The following CAMK2A variants were observed in gnomAD, a reference collection of about 807,000 sequenced individuals.
CAMK2A encodes the protein calcium/calmodulin dependent protein kinase II alpha, also known as calcium/calmodulin-dependent protein kinase type II subunit alpha.
Under a neutral mutation model 79.2 loss-of-function variants are expected in CAMK2A, and 7 were observed. The ratio of observed to expected loss-of-function variants is 0.09; its 90% CI spans 0.05 to 0.17. The LOEUF is 0.17. Among genes scored for constraint, CAMK2A ranks in the 10% least tolerant of loss-of-function variants. The pLI is 1.00. For missense variants in CAMK2A, 214 were observed against 646.4 expected (o/e 0.33, Z 7.25); for synonymous variants, 242 against 251.7 (o/e 0.96, Z 0.36).
chr5:150,279,336 G>A (rs753338767), intron 1 of CAMK2A, among the ~76,000 whole-genome samples: 45 of 152,186 alleles, frequency 3.0e-4, no homozygotes, highest in Non-Finnish European at 5.4e-4. Context: ...GAATCAGACC[G>A]AGCAGAGTTC....
intron 15 of CAMK2A, among the ~76,000 whole-genome samples, chr5:150,234,584 T>C (rs1405195579): frequency 3.3e-5 from 5 of 152,226 alleles, no homozygotes; most frequent in Non-Finnish European, 7.3e-5. Flanking sequence ...AGCACTTATG[T>C]AAAGGATGCT....
In CAMK2A at chr5:150,257,672, GC is replaced by G. The variant is rs914519052; in HGVS notation, c.218-56del. On this transcript the variant is annotated intron_variant, in intron 3 of 18. Coordinates refer to ENST00000671881, the MANE Select transcript of CAMK2A (RefSeq NM_015981.4). ...GTGGGACACACTGCTGCACAGGCCC[GC>G]CCTCCCTCTCTCCCCTCCCGTGTAT... 1.9e-4 allele frequency: 257 copies of G among 1,383,098 alleles called. 1 individual carries two copies. The highest frequency in any genetic ancestry group is 2.5e-4 in the Non-Finnish European group (245 of 993,744). 85.7% of individuals were successfully genotyped at this position (1,383,098 alleles called of 1,614,324 possible). A position where few individuals can be genotyped will look rare whatever the true frequency, so the allele number is the denominator to read the frequency against.
intron 16 of CAMK2A, among the ~76,000 whole-genome samples, 185 bp from the exon 17 acceptor site, chr5:150,228,471 T>C (rs1159744436): frequency 1.3e-5 from 2 of 152,320 alleles, no homozygotes; most frequent in East Asian, 3.9e-4. Context: ...TGGTGCCATC[T>C]AGATCCGGGA....
At chr5:150,274,088 T>A (rs1263365964) in intron 1 of CAMK2A, among the ~76,000 whole-genome samples, 3 of 152,210 alleles carry the variant, frequency 2.0e-5, no homozygotes, top group African/African-American at 7.2e-5. Flanking sequence ...CAACACAGTG[T>A]ATTATCAAAC....
intron 1 of CAMK2A, among the ~76,000 whole-genome samples, chr5:150,287,976 T>C (rs1224849746): frequency 2.7e-5 from 4 of 148,480 alleles, no homozygotes; most frequent in Admixed American, 1.3e-4. Flanking sequence ...TGTGTGTGTG[T>C]GCAAGCAGCC....
rs767993196 is a variant in CAMK2A at position 150,256,972 on chromosome 5, G to A, written c.273-141C>T. On this transcript the variant is annotated intron_variant, in intron 4 of 18. Coordinates refer to ENST00000671881, the MANE Select transcript of CAMK2A (RefSeq NM_015981.4). This position sits in a 1 kb window ranked among gnomAD's most constrained non-coding sequence, Gnocchi z 4.6. ...AAGGAGGGGCCCCAGGGTCACGGGG[G>A]TGTCCCCTGCTGCAATGCCCTTCCT... 1.5e-4 allele frequency: 98 copies of A among 636,272 alleles called. No homozygotes were observed. The highest frequency in any genetic ancestry group is 2.5e-4 in the Non-Finnish European group (92 of 365,044). The allele number at this position is 636,272 out of a possible 1,614,324, so 39.4% of individuals were successfully genotyped here. A position where few individuals can be genotyped will look rare whatever the true frequency, so the allele number is the denominator to read the frequency against.
At chr5:150,239,458 C>T (rs1378714396) in intron 14 of CAMK2A, among the ~76,000 whole-genome samples, 1 of 152,230 alleles carries the variant, frequency 6.6e-6, no homozygotes, top group Non-Finnish European at 1.5e-5. Flanking sequence ...TCCACCTTCA[C>T]ACCCGAGGAG....
At chr5:150,248,091 C>G (rs959293517) in intron 11 of CAMK2A, among the ~76,000 whole-genome samples, 1 of 152,078 alleles carries the variant, frequency 6.6e-6, no homozygotes, top group Non-Finnish European at 1.5e-5. Flanking sequence ...CCCCTTGGCC[C>G]GCCCAAGCTG....
At chr5:150,224,020 A>C (rs1754478403) in intron 17 of CAMK2A, among the ~76,000 whole-genome samples, 1 of 152,188 alleles carries the variant, frequency 6.6e-6, no homozygotes, top group Non-Finnish European at 1.5e-5. Flanking sequence ...TGAAATGATA[A>C]GGATGGTATT....
At chr5:150,277,525 C>T (rs924396046) in intron 1 of CAMK2A, among the ~76,000 whole-genome samples, 11 of 152,246 alleles carry the variant, frequency 7.2e-5, no homozygotes, top group South Asian at 2.1e-4. Flanking sequence ...AGAAGCCATA[C>T]GTGCTGAAGT....
At chr5:150,280,525 C>T (rs1245283451) in intron 1 of CAMK2A, among the ~76,000 whole-genome samples, 3 of 152,158 alleles carry the variant, frequency 2.0e-5, no homozygotes, top group South Asian at 2.1e-4. Flanking sequence ...GTCCGACATC[C>T]GCCGCCTCCT....
At chr5:150,276,581 CTGG>C (rs1411716595) in intron 1 of CAMK2A, among the ~76,000 whole-genome samples, 1 of 152,162 alleles carries the variant, frequency 6.6e-6, no homozygotes, top group Non-Finnish European at 1.5e-5. Flanking sequence ...CCCCCTCTAG[CTGG>C]GGGCCATGAT....
chr5:150,241,387 C>T (rs1333902480), intron 13 of CAMK2A, among the ~76,000 whole-genome samples: 1 of 148,884 alleles, frequency 6.7e-6, no homozygotes, highest in Non-Finnish European at 1.5e-5. Context: ...GTCTCCTTCC[C>T]TCTCTCCTCC....
At chr5:150,279,033 T>C (rs1757097440) in intron 1 of CAMK2A, among the ~76,000 whole-genome samples, 1 of 152,118 alleles carries the variant, frequency 6.6e-6, no homozygotes, top group Middle Eastern at 3.2e-3. Flanking sequence ...AGGGCCGCAG[T>C]CTCTTCATCT....
intron 10 of CAMK2A, 24 bp downstream of exon 10, chr5:150,250,664 G>A: frequency 1.2e-6 from 2 of 1,613,610 alleles, no homozygotes; most frequent in Middle Eastern, 1.7e-4. Flanking sequence ...GCTCCTGGGA[G>A]AAGTCCTGCT....
chr5:150,262,503 G>A (rs955818664), intron 3 of CAMK2A, among the ~76,000 whole-genome samples: 3 of 152,022 alleles, frequency 2.0e-5, no homozygotes, highest in Non-Finnish European at 2.9e-5. Context: ...TTCCAGTCCC[G>A]CCTGCGCATC....
chr5:150,250,349 G>T (rs373480680), intron 10 of CAMK2A, 40 bp from the exon 11 acceptor site: 39 of 1,557,062 alleles, frequency 2.5e-5, no homozygotes, highest in African/African-American at 4.1e-5. Flanking sequence ...TGGAAGGCAG[G>T]CTGGAAGACA....
Position 150,268,911 on chromosome 5 carries a change from C to G in CAMK2A, c.158-3896G>C, listed in dbSNP as rs181637842. 2.7e-4 allele frequency among the ~76,000 whole-genome samples: 41 copies of G among 152,036 alleles called. No individual in the cohort carries two copies. The East Asian group carries it at 7.0e-3, about 26-fold the overall frequency. On this transcript the variant is annotated intron_variant, in intron 2 of 18. Transcript: ENST00000671881. ...CTTGAGTAGCTGGGACTACAGGCAC[C>G]CGCCACCATGCCCGGCTAATTTTTT...
chr5:150,278,158 C>G (rs767415686), intron 1 of CAMK2A, among the ~76,000 whole-genome samples: 5 of 152,072 alleles, frequency 3.3e-5, no homozygotes, highest in Non-Finnish European at 5.9e-5. Context: ...AGTGAGGTAA[C>G]TAGTGCAAAA....
Sources: allele counts gnomAD v4.1 joint callset (sites outside exome capture counted in the v4.1 genomes callset), GRCh38; gene constraint gnomAD v4.1.1; non-coding constraint Gnocchi (gnomAD v3.1); transcripts MANE v1.5; gene names NCBI Gene and HGNC (gene_info 2026-07-23, HGNC 2026-07-21).